Variants in FBXW12 observed in about 807,000 individuals in gnomAD.
FBXW12 encodes F-box/WD repeat-containing protein 12.
Under a neutral mutation model 55.3 loss-of-function variants are expected in FBXW12, and 43 were observed. That is an observed-to-expected ratio of 0.78 (90% CI 0.61 to 1.00). The LOEUF (loss-of-function observed/expected upper bound fraction) is 1.00. Among genes scored for constraint, FBXW12 ranks in the 50% least tolerant of loss-of-function variants. FBXW12 has a pLI of 0.00. For missense variants in FBXW12, 524 were observed against 560.5 expected (o/e 0.93, Z 0.66); for synonymous variants, 184 against 203.8 (o/e 0.90, Z 0.83).
At chr3:48,373,372 G>T in intron 3 of FBXW12, 27 bp downstream of exon 3, 1 of 1,614,184 alleles carries the variant, frequency 6.2e-7, no homozygotes. Context: ...GGCAAGGAGG[G>T]AAGGGGAGAG....
At chr3:48,387,341 GTGTT>G (rs1422937551) in intron 10 of FBXW12, among the ~76,000 whole-genome samples, 1 of 151,402 alleles carries the variant, frequency 6.6e-6, no homozygotes, top group Non-Finnish European at 1.5e-5. Flanking sequence ...TGTCATTTCT[GTGTT>G]TTTTTGTTTT....
intron 8 of FBXW12, 110 bp downstream of exon 8, chr3:48,381,022 GTT>G (rs11378351): frequency 0.32 from 179,274 of 561,426 alleles, 10,054 homozygotes; most frequent in Non-Finnish European, 0.34. Context: ...GGGATTTCTA[GTT>G]TTTTTTTTTT....
intron 4 of FBXW12, among the ~76,000 whole-genome samples, chr3:48,374,147 C>A (rs1320025919): frequency 1.3e-5 from 2 of 151,992 alleles, no homozygotes; most frequent in African/African-American, 4.8e-5. Flanking sequence ...AGTGAGACCC[C>A]CCCTCCATCT....
At chr3:48,388,231 A>G (rs1375130033) in intron 10 of FBXW12, among the ~76,000 whole-genome samples, 1 of 152,208 alleles carries the variant, frequency 6.6e-6, no homozygotes, top group African/African-American at 2.4e-5. Context: ...TGTGAGCTTG[A>G]AAAGAATGTG....
chr3:48,385,362 G>A (rs1469580118), intron 10 of FBXW12, among the ~76,000 whole-genome samples: 1 of 151,108 alleles, frequency 6.6e-6, no homozygotes, highest in Non-Finnish European at 1.5e-5. Flanking sequence ...GTGTGTGTGT[G>A]TGTGTGTGTA....
intron 5 of FBXW12, among the ~76,000 whole-genome samples, chr3:48,376,171 G>T (rs1575358694): frequency 6.6e-6 from 1 of 151,654 alleles, no homozygotes; most frequent in Non-Finnish European, 1.5e-5. Flanking sequence ...TAGTAGAGAC[G>T]GGGTTTCGCC....
chr3:48,372,469 C>T, intron 1 of FBXW12, 149 bp downstream of exon 1: 1 of 1,124,932 alleles, frequency 8.9e-7, no homozygotes, highest in Non-Finnish European at 1.3e-6. Context: ...CTGGGGCTGC[C>T]CCAGGTTCTG....
At chr3:48,384,577 G>A (rs542914858) in intron 10 of FBXW12, among the ~76,000 whole-genome samples, 11 of 152,216 alleles carry the variant, frequency 7.2e-5, no homozygotes, top group African/African-American at 1.7e-4. Flanking sequence ...GTGGAGAGCC[G>A]ACATCCTTCC....
intron 10 of FBXW12, among the ~76,000 whole-genome samples, chr3:48,389,642 T>C (rs935826456): frequency 1.3e-5 from 2 of 152,160 alleles, no homozygotes; most frequent in Non-Finnish European, 2.9e-5. Context: ...TCCCGAAGTG[T>C]TGGGATTACA....
chr3:48,381,021 AGTT>A, intron 8 of FBXW12, 109 bp downstream of exon 8: 1 of 631,422 alleles, frequency 1.6e-6, no homozygotes, highest in Non-Finnish European at 2.5e-6. Context: ...GGGGATTTCT[AGTT>A]TTTTTTTTTT....
intron 10 of FBXW12, among the ~76,000 whole-genome samples, chr3:48,383,791 C>T (rs2036810214): frequency 1.3e-5 from 2 of 152,084 alleles, no homozygotes; most frequent in Non-Finnish European, 2.9e-5. Context: ...TATGAATATT[C>T]AGTGATTCAG....
intron 10 of FBXW12, among the ~76,000 whole-genome samples, chr3:48,382,825 C>G (rs759648629): frequency 1.3e-5 from 2 of 152,176 alleles, no homozygotes; most frequent in Non-Finnish European, 2.9e-5. Context: ...CAGATTATTG[C>G]TAGTCATTAT....
At chr3:48,392,359 G>A (rs954721338) in intron 10 of FBXW12, among the ~76,000 whole-genome samples, 6 of 148,758 alleles carry the variant, frequency 4.0e-5, no homozygotes, top group Non-Finnish European at 7.4e-5. Context: ...GCTGAGGCAG[G>A]AGAATGGCAT....
intron 5 of FBXW12, among the ~76,000 whole-genome samples, chr3:48,377,658 G>A (rs555533114): frequency 6.6e-6 from 1 of 152,340 alleles, no homozygotes; most frequent in Admixed American, 6.5e-5. Flanking sequence ...TAGGCAACTT[G>A]TTATAGTGTG....
At chr3:48,380,671 C>T (rs768911499) in intron 7 of FBXW12, 31 bp from the exon 8 acceptor site, 3 of 1,541,942 alleles carry the variant, frequency 1.9e-6, no homozygotes, top group Non-Finnish European at 1.8e-6. Context: ...AAGTTCCCTG[C>T]CCCTGACCAT....
In FBXW12 at chr3:48,372,724, C is replaced by T. The variant is rs1439865129; in HGVS notation, c.-44C>T. ...CAAAGCCTATAAATTCAGAGCAGCC[C>T]GGAGAGGAGAAAGGAAAGTGGATGT... On this transcript the variant is annotated 5_prime_UTR_variant, in exon 2 of 11. Transcript: ENST00000296438. The T allele has an allele frequency of 1.9e-6, 3 of 1,614,050 alleles. No homozygotes were observed. The highest frequency in any genetic ancestry group is 1.3e-5 in the African/African-American group (1 of 75,000).
At chr3:48,381,901 G>A (rs1319835753) in intron 9 of FBXW12, 23 bp downstream of exon 9, 2 of 1,611,340 alleles carry the variant, frequency 1.2e-6, no homozygotes, top group African/African-American at 2.7e-5. Flanking sequence ...CTCCTCCACT[G>A]CTTTTTGATC....
intron 10 of FBXW12, among the ~76,000 whole-genome samples, chr3:48,386,388 A>ATAG (rs2036848938): frequency 1.3e-5 from 2 of 152,170 alleles, no homozygotes; most frequent in South Asian, 4.1e-4. Flanking sequence ...TGTTTTGATA[A>ATAG]CTGTAGCTTT....
At chr3:48,393,032 T>G (rs545312310) in intron 10 of FBXW12, among the ~76,000 whole-genome samples, 82 of 148,226 alleles carry the variant, frequency 5.5e-4, no homozygotes, top group Middle Eastern at 3.5e-3. Context: ...TCTCACTCTC[T>G]TGTCCAGGCT....
Sources: allele counts gnomAD v4.1 joint callset (sites outside exome capture counted in the v4.1 genomes callset), GRCh38; gene constraint gnomAD v4.1.1; transcripts MANE v1.5; gene names NCBI Gene and HGNC (gene_info 2026-07-23, HGNC 2026-07-21).